The following SNX10 variants were observed in gnomAD, a reference collection of about 807,000 sequenced individuals.
SNX10 encodes the protein sorting nexin 10.
Under a neutral mutation model 28.5 loss-of-function variants are expected in SNX10, and 25 were observed. The observed-to-expected ratio is 0.88, with a 90% confidence interval of 0.64 to 1.22. SNX10 has a LOEUF of 1.22. Among genes scored for constraint, SNX10 ranks in the 50% most tolerant of loss-of-function variants. SNX10 has a pLI of 0.00. For synonymous variants in SNX10, 62 were observed against 81.4 expected (o/e 0.76, Z 1.28); for missense variants, 223 against 242.6 (o/e 0.92, Z 0.54).
At chr7:26,306,391 C>CA (rs1451933715) in intron 1 of SNX10, among the ~76,000 whole-genome samples, 3 of 149,478 alleles carry the variant, frequency 2.0e-5, no homozygotes, top group Admixed American at 6.7e-5. Flanking sequence ...TCCTATCTGA[C>CA]AAAAAAGATG....
intron 5 of SNX10, chr7:26,370,627 T>G (rs1789483085): frequency 6.6e-6 from 1 of 152,212 alleles, no homozygotes; most frequent in Admixed American, 6.5e-5. Flanking sequence ...TAGAAAAGGA[T>G]TTGGTATTAT....
chr7:26,293,374 G>A lies in SNX10; in HGVS notation c.-24+1288G>A, dbSNP rs150551824. Among the ~76,000 whole-genome samples, 674 of 151,798 alleles carry A rather than the reference G, an allele frequency of 4.4e-3. 5 individuals are homozygous for A. The highest frequency in any genetic ancestry group is 0.015 in the African/African-American group (641 of 41,378). ...GGCCACCACACCCCTGGCTAACTTC[G>A]GTATTTTTTTTGTAGAGACAGGGTT... On this transcript the variant is annotated intron_variant, in intron 1 of 6. Coordinates refer to ENST00000338523, the MANE Select transcript of SNX10 (RefSeq NM_013322.3).
intron 2 of SNX10, among the ~76,000 whole-genome samples, chr7:26,352,561 T>C (rs933928631): frequency 1.3e-5 from 2 of 152,240 alleles, no homozygotes; most frequent in African/African-American, 4.8e-5. Flanking sequence ...ACCCCACCTA[T>C]TTCCTCCTGC....
intron 2 of SNX10, among the ~76,000 whole-genome samples, chr7:26,356,806 C>G (rs937610687): frequency 6.6e-6 from 1 of 152,128 alleles, no homozygotes; most frequent in African/African-American, 2.4e-5. Context: ...TCTCCCAGAT[C>G]TTAAACATTG....
chr7:26,364,446 T>G lies in SNX10; in HGVS notation c.112-89T>G. The stretch of plus-strand genomic sequence containing the variant: ...TTGGTGGTTTAAATCCTATTTAGAG[T>G]GAATGTTGAGATCATATTGTGAATT... On this transcript the variant is annotated intron_variant, in intron 3 of 6. Coordinates refer to ENST00000338523, the MANE Select transcript of SNX10 (RefSeq NM_013322.3). This position sits in a 1 kb window ranked among gnomAD's most constrained non-coding sequence, Gnocchi z 4.9. 6.8e-7 allele frequency: 1 copy of G among 1,462,956 alleles called. No homozygotes were observed. The highest frequency in any genetic ancestry group is 9.1e-7 in the Non-Finnish European group (1 of 1,103,334). The allele number at this position is 1,462,956 out of a possible 1,614,324, so 90.6% of individuals were successfully genotyped here.
At chr7:26,335,735 CTTTTTTTTTTTTTTT>C (rs57340085) in intron 1 of SNX10, among the ~76,000 whole-genome samples, 1 of 84,274 alleles carries the variant, frequency 1.2e-5, no homozygotes, top group East Asian at 3.6e-4. Flanking sequence ...ATGGAATATT[CTTTTTTTTTTTTTTT>C]TTTTTTTTTT....
intron 1 of SNX10, among the ~76,000 whole-genome samples, chr7:26,333,386 G>A (rs1239656061): frequency 4.8e-5 from 7 of 146,308 alleles, no homozygotes; most frequent in South Asian, 2.2e-4. Flanking sequence ...GTGCAGTGGC[G>A]TGATCTCCGC....
At chr7:26,351,935 T>G (rs139846567) in intron 2 of SNX10, among the ~76,000 whole-genome samples, 2 of 151,962 alleles carry the variant, frequency 1.3e-5, no homozygotes, top group Non-Finnish European at 2.9e-5. Context: ...GGATTACAGG[T>G]GTGAGCCACT....
chr7:26,369,842 C>T (rs1016470175), intron 5 of SNX10, among the ~76,000 whole-genome samples: 7 of 152,310 alleles, frequency 4.6e-5, no homozygotes, highest in Middle Eastern at 3.4e-3. Flanking sequence ...TCCCGATCAA[C>T]CTGGACTCTG....
intron 1 of SNX10, among the ~76,000 whole-genome samples, chr7:26,305,489 C>A (rs1156415268): frequency 6.6e-6 from 1 of 152,176 alleles, no homozygotes; most frequent in East Asian, 1.9e-4. Flanking sequence ...CCTGCTGCCC[C>A]CGAAGGTCAC....
chr7:26,345,692 T>G (rs984310989), intron 1 of SNX10, among the ~76,000 whole-genome samples: 10 of 152,064 alleles, frequency 6.6e-5, no homozygotes, highest in African/African-American at 2.2e-4. Context: ...TGAAGGCAAA[T>G]AGTAGACCTG....
Position 26,325,731 on chromosome 7 carries a change from ATT to A in SNX10, c.-23-20676_-23-20675del, listed in dbSNP as rs35402634. On this transcript the variant is annotated intron_variant, in intron 1 of 6. Coordinates refer to ENST00000338523, the MANE Select transcript of SNX10 (RefSeq NM_013322.3). Reference sequence around the variant, plus strand: ...TGAAGTATACGAAACAAAATTAGAGATTTTTTTTTTTTTTGAGATGGAGTCTC... The same window carrying A: ...TGAAGTATACGAAACAAAATTAGAGATTTTTTTTTTTTGAGATGGAGTCTC... Among the ~76,000 whole-genome samples the A allele has an allele frequency of 7.3e-4, 105 of 144,804 alleles. 1 individual carries two copies. Among genetic ancestry groups the A allele is most frequent in the South Asian group, 4.2e-3 (19 of 4,558 alleles). 95.0% of individuals were successfully genotyped at this position (144,804 alleles called of 152,430 possible). A position where few individuals can be genotyped will look rare whatever the true frequency, so the allele number is the denominator to read the frequency against.
At chr7:26,307,905 G>A (rs1274157122) in intron 1 of SNX10, among the ~76,000 whole-genome samples, 1 of 152,048 alleles carries the variant, frequency 6.6e-6, no homozygotes, top group Non-Finnish European at 1.5e-5. Context: ...GAAGCTCATG[G>A]CTTGTAATTT....
Position 26,364,910 on chromosome 7 carries a change from A to G in SNX10, c.213-137A>G. 1 of 616,580 alleles carries G rather than the reference A, an allele frequency of 1.6e-6. No individual in the cohort carries two copies. The highest frequency in any genetic ancestry group is 2.9e-6 in the Non-Finnish European group (1 of 346,138). 38.2% of individuals were successfully genotyped at this position (616,580 alleles called of 1,614,324 possible). A position where few individuals can be genotyped will look rare whatever the true frequency, so the allele number is the denominator to read the frequency against. ...CCTGATACCCTTATTATATAACTAT[A>G]TAATGTATAATCATAATTATAGAAT... On this transcript the variant is annotated intron_variant, in intron 4 of 6. Transcript: ENST00000338523. This position sits in a 1 kb window ranked among gnomAD's most constrained non-coding sequence, Gnocchi z 4.9.
intron 5 of SNX10, among the ~76,000 whole-genome samples, chr7:26,365,899 A>G (rs1789270461): frequency 6.6e-6 from 1 of 152,178 alleles, no homozygotes; most frequent in Non-Finnish European, 1.5e-5. Context: ...GTGTCTTCCC[A>G]TCTATAAAAT....
chr7:26,372,275 G>A, intron 6 of SNX10: 1 of 591,402 alleles, frequency 1.7e-6, no homozygotes, highest in Non-Finnish European at 3.0e-6. Context: ...TTCTGATTAT[G>A]TGACTTTCAT....
At chr7:26,301,699 A>G (rs1309704086) in intron 1 of SNX10, among the ~76,000 whole-genome samples, 1 of 152,258 alleles carries the variant, frequency 6.6e-6, no homozygotes, top group Non-Finnish European at 1.5e-5. Context: ...ACTTCAGTTT[A>G]CATTATCTCA....
At chr7:26,371,691 C>G in intron 5 of SNX10, 130 bp from the exon 6 acceptor site, 1 of 669,966 alleles carries the variant, frequency 1.5e-6, no homozygotes, top group South Asian at 2.0e-5. Context: ...GGGCAGAGCC[C>G]ATAATTGATA....
intron 1 of SNX10, among the ~76,000 whole-genome samples, chr7:26,307,877 C>T (rs1039090533): frequency 6.6e-6 from 1 of 152,100 alleles, no homozygotes; most frequent in African/African-American, 2.4e-5. Flanking sequence ...TGTAGTTTAC[C>T]TTCATCAGTC....
Sources: allele counts gnomAD v4.1 joint callset (sites outside exome capture counted in the v4.1 genomes callset), GRCh38; gene constraint gnomAD v4.1.1; non-coding constraint Gnocchi (gnomAD v3.1); transcripts MANE v1.5; gene names NCBI Gene and HGNC (gene_info 2026-07-23, HGNC 2026-07-21).